The following LRRC57 variants were observed in gnomAD, a reference collection of about 807,000 sequenced individuals.
The protein encoded by LRRC57 is leucine-rich repeat-containing protein 57.
A neutral mutation model predicts 23.1 loss-of-function variants in LRRC57; 14 were observed. The ratio of observed to expected loss-of-function variants is 0.61; its 90% confidence interval spans 0.40 to 0.95. The LOEUF (loss-of-function observed/expected upper bound fraction) is 0.95. LRRC57 is among the 40% of genes least tolerant of loss of function. The probability of loss-of-function intolerance (pLI) is 0.00; values close to 1 mark genes in which losing one functional copy is unlikely to be tolerated. For synonymous variants in LRRC57, 106 were observed against 115.2 expected, an observed-to-expected ratio of 0.92 and a Z score of 0.51; for missense variants, 236 against 284.4, an observed-to-expected ratio of 0.83 and a Z score of 1.22.
At chr15:42,535,831 AGTT>A (rs1489108186), downstream of LRRC57, among the ~76,000 whole-genome samples, 1 of 152,184 alleles carries the variant, frequency 6.6e-6, no homozygotes, top group Non-Finnish European at 1.5e-5. Flanking sequence ...AGGAATGGCT[AGTT>A]GTTGGAGCAG....
At chr15:42,529,747 A>G in the LRRC57 span, 3 of 1,614,152 alleles carry the variant, frequency 1.9e-6, no homozygotes, top group Non-Finnish European at 2.5e-6. Context: ...TGGGAAATCT[A>G]AAAGACATGG....
At chr15:42,528,349 G>A in the LRRC57 span, 16 of 1,614,114 alleles carry the variant, frequency 9.9e-6, no homozygotes, top group Non-Finnish European at 1.4e-5. Flanking sequence ...TATCTAAACA[G>A]CCAGGCCCGG....
At position 42,541,215 on chromosome 15, in the gene LRRC57, T is replaced by TA. The variant is rs1385895685; in HGVS notation, c.*2867dup. On this transcript the variant is annotated 3_prime_UTR_variant, in exon 6 of 6. Transcript: ENST00000397130. ...TCAAAGTGAGAAATAGAAAATGACA[T>TA]ATGGGAGGCTGGGTGTGTTGGCTCC... is the stretch of plus-strand genomic sequence containing the variant. 3.3e-5 allele frequency: 5 copies of TA among 151,458 alleles called. No homozygotes were observed. The highest frequency in any genetic ancestry group is 2.0e-4 in the Admixed American group (3 of 15,192). 9.4% of individuals were successfully genotyped at this position (151,458 alleles called of 1,614,324 possible).
In LRRC57 at chr15:42,548,723, C is replaced by G; in HGVS notation, c.-53G>C. 1 of 643,596 alleles carries G rather than the reference C, an allele frequency of 1.6e-6. No homozygotes were observed. Among genetic ancestry groups the G allele is most frequent in the Non-Finnish European group, 2.7e-6 (1 of 375,428 alleles). 39.9% of individuals were successfully genotyped at this position (643,596 alleles called of 1,614,324 possible). A position where few individuals can be genotyped will look rare whatever the true frequency, so the allele number is the denominator to read the frequency against. On this transcript the variant is annotated 5_prime_UTR_variant, in exon 1 of 6. Transcript: ENST00000397130. ...ACCGCTCAGCTGCCGTAAGGCTCCG[C>G]AGGTGAAGACCCAGGACCCGCAGTA... is the stretch of plus-strand genomic sequence containing the variant.
chr15:42,530,690 CA>C, the LRRC57 span, among the ~76,000 whole-genome samples: 2 of 152,138 alleles, frequency 1.3e-5, no homozygotes, highest in Non-Finnish European at 2.9e-5. Context: ...TTGAAGGCTG[CA>C]GTGAGCTGTG....
In LRRC57 at chr15:42,537,997, T is replaced by C. The variant is rs1203588995; in HGVS notation, c.*6086A>G. 1 of 152,196 alleles carries C rather than the reference T, an allele frequency of 6.6e-6. No homozygotes were observed. The highest frequency in any genetic ancestry group is 1.5e-5 in the Non-Finnish European group (1 of 68,038). The allele number at this position is 152,196 out of a possible 1,614,324, so 9.4% of individuals were successfully genotyped here. On this transcript the variant is annotated 3_prime_UTR_variant, in exon 6 of 6. Coordinates refer to ENST00000397130, the MANE Select transcript of LRRC57 (RefSeq NM_153260.3). ...GAATAAGTTTTAATGCTTGATAGCA[T>C]AGTACGGTGACTATACTTAATGTAA... is the stretch of plus-strand genomic sequence containing the variant.
At chr15:42,532,578 G>GA in the LRRC57 span, 5 of 152,638 alleles carry the variant, frequency 3.3e-5, no homozygotes, top group African/African-American at 1.2e-4. Flanking sequence ...AGTCTTTGAA[G>GA]AAAAAATATG....
Position 42,541,034 on chromosome 15 carries a change from A to G in LRRC57, c.*3049T>C, listed in dbSNP as rs1486591733. 2 of 143,430 alleles carry G rather than the reference A, an allele frequency of 1.4e-5. No individual in the cohort carries two copies. The highest frequency in any genetic ancestry group is 3.0e-5 in the Non-Finnish European group (2 of 65,950). The allele number at this position is 143,430 out of a possible 1,614,324, so 8.9% of individuals were successfully genotyped here. On this transcript the variant is annotated 3_prime_UTR_variant, in exon 6 of 6. Transcript: ENST00000397130. ...GTGAAAGAATGAGACTCCGTCTCAG[A>G]AAAAAAAAAAAAATGTATAAGTTCT... is the stretch of plus-strand genomic sequence containing the variant.
At position 42,547,299 on chromosome 15, in the gene LRRC57, C is replaced by T. The variant is rs1404391778; in HGVS notation, c.454G>A (p.Glu152Lys). The T allele has an allele frequency of 6.2e-7, 1 of 1,614,166 alleles. No homozygotes were observed. Among genetic ancestry groups the T allele is most frequent in the Non-Finnish European group, 8.5e-7 (1 of 1,180,040 alleles). ...QIRSIPDSVG[E>K]LQVIELNLNQ... ...AGGTTGAGTTCGATGACTTGCAGCT[C>T]TCCCACTGAGTCAGGTATACTTCGA... The change falls in exon 4 of 6, where the codon GAG becomes AAG. Residue 152 changes from glutamate (E) to lysine (K), a missense_variant. Coordinates refer to ENST00000397130, the MANE Select transcript of LRRC57 (RefSeq NM_153260.3).
intron 3 of LRRC57, chr15:42,547,835 G>A: frequency 3.7e-6 from 2 of 546,912 alleles, no homozygotes; most frequent in East Asian, 3.1e-5. Flanking sequence ...CCCATTCCAA[G>A]TTAGGTAGCT....
the LRRC57 span, chr15:42,528,561 C>A: frequency 1.2e-6 from 1 of 864,722 alleles, no homozygotes; most frequent in Non-Finnish European, 1.7e-6. Flanking sequence ...AAAAATCTGC[C>A]CACTGACAAA....
At chr15:42,537,117 C>A (rs2057603899), downstream of LRRC57, among the ~76,000 whole-genome samples, 1 of 151,942 alleles carries the variant, frequency 6.6e-6, no homozygotes, top group Admixed American at 6.6e-5. Flanking sequence ...TAAAGACATA[C>A]ACTGTAGTCC....
rs2057634475 is a variant in LRRC57 at position 42,542,279 on chromosome 15, C to A, written c.*1804G>T. 1 of 151,808 alleles carries A rather than the reference C, an allele frequency of 6.6e-6. No individual in the cohort carries two copies. Among genetic ancestry groups the A allele is most frequent in the Middle Eastern group, 3.2e-3 (1 of 314 alleles). The allele number at this position is 151,808 out of a possible 1,614,324, so 9.4% of individuals were successfully genotyped here. A position where few individuals can be genotyped will look rare whatever the true frequency, so the allele number is the denominator to read the frequency against. ...GGTCAGGCTGGTCTTGAACTCCTGACCTCGTGATCCACCCACCTCAGCCTC... is the reference window on the plus strand; with the variant it reads ...GGTCAGGCTGGTCTTGAACTCCTGAACTCGTGATCCACCCACCTCAGCCTC... On this transcript the variant is annotated 3_prime_UTR_variant, in exon 6 of 6. Coordinates refer to ENST00000397130, the MANE Select transcript of LRRC57 (RefSeq NM_153260.3).
chr15:42,547,171 T>C lies in LRRC57; in HGVS notation c.492+90A>G, dbSNP rs933359000. The C allele has an allele frequency of 6.5e-6, 9 of 1,390,208 alleles. No individual in the cohort carries two copies. In the Admixed American group the frequency reaches 1.4e-4, roughly 22 times the overall value. The allele number at this position is 1,390,208 out of a possible 1,614,324, so 86.1% of individuals were successfully genotyped here. ...TAGCCTCTGATACTTAGCTCTATGA[T>C]GGCAGTTTAGGAAACAAGAGGTTAA... is the stretch of plus-strand genomic sequence containing the variant. On this transcript the variant is annotated intron_variant, in intron 4 of 5. Coordinates refer to ENST00000397130, the MANE Select transcript of LRRC57 (RefSeq NM_153260.3).
At chr15:42,547,221 A>G in intron 4 of LRRC57, 40 bp downstream of exon 4, 1 of 1,593,468 alleles carries the variant, frequency 6.3e-7, no homozygotes, top group Non-Finnish European at 8.5e-7. Flanking sequence ...CCTTAAAGCC[A>G]CACATATGCT....
At chr15:42,547,872 T>A in intron 3 of LRRC57, 1 of 567,514 alleles carries the variant, frequency 1.8e-6, no homozygotes, top group Non-Finnish European at 3.1e-6. Context: ...CCCAAAATGT[T>A]CTTCTCTTTC....
At position 42,540,840 on chromosome 15, in the gene LRRC57, C is replaced by A. The variant is rs966640741; in HGVS notation, c.*3243G>T. 2.6e-5 allele frequency: 4 copies of A among 152,062 alleles called. No individual in the cohort carries two copies. Among genetic ancestry groups the A allele is most frequent in the Non-Finnish European group, 5.9e-5 (4 of 68,046 alleles). 9.4% of individuals were successfully genotyped at this position (152,062 alleles called of 1,614,324 possible). A position where few individuals can be genotyped will look rare whatever the true frequency, so the allele number is the denominator to read the frequency against. On this transcript the variant is annotated 3_prime_UTR_variant, in exon 6 of 6. Coordinates refer to ENST00000397130, the MANE Select transcript of LRRC57 (RefSeq NM_153260.3). ...GTCAGGAGTTCGAGACTAGCCTGGC[C>A]AACATGGTGAAACCCCATCTCTACT...
chr15:42,529,994 C>T, the LRRC57 span, among the ~76,000 whole-genome samples: 1 of 152,160 alleles, frequency 6.6e-6, no homozygotes, highest in Admixed American at 6.5e-5. Flanking sequence ...TCCTCCCTGT[C>T]ATGGTAGTTG....
At chr15:42,531,621 C>G in the LRRC57 span, 3 of 544,482 alleles carry the variant, frequency 5.5e-6, no homozygotes, top group Non-Finnish European at 9.5e-6. Flanking sequence ...AGTTACAGCC[C>G]TCCTTCTTTT....
Sources: gnomAD v4.1 joint callset for allele counts (sites outside exome capture counted in the v4.1 genomes callset) on GRCh38, gnomAD v4.1.1 for gene constraint, MANE v1.5 for transcripts, NCBI Gene and HGNC (gene_info 2026-07-23, HGNC 2026-07-21) for gene names.